The following LAMC2 variants were observed in gnomAD, a reference collection of about 807,000 sequenced individuals.
The protein encoded by LAMC2 is laminin subunit gamma-2.
LAMC2 carries 97 observed loss-of-function variants against 140.2 expected under a neutral mutation model. That is an observed-to-expected ratio of 0.69 (90% CI 0.59 to 0.82). The LOEUF (loss-of-function observed/expected upper bound fraction) is 0.82. Among genes scored for constraint, LAMC2 ranks in the 40% least tolerant of loss-of-function variants. LAMC2 has a pLI of 0.00. For synonymous variants in LAMC2, 513 were observed against 540.2 expected, an observed-to-expected ratio of 0.95 and a Z score of 0.70; for missense variants, 1,402 against 1,476.1, an observed-to-expected ratio of 0.95 and a Z score of 0.82.
chr1:183,226,631 G>C, intron 8 of LAMC2, 67 bp from the exon 9 acceptor site: 1 of 1,340,800 alleles, frequency 7.5e-7, no homozygotes, highest in South Asian at 1.2e-5. Context: ...AAAATCCCAA[G>C]AGAGATCTGA....
intron 11 of LAMC2, among the ~76,000 whole-genome samples, chr1:183,230,679 C>G (rs1659770655): frequency 6.6e-6 from 1 of 152,188 alleles, no homozygotes; most frequent in African/African-American, 2.4e-5. Context: ...TGTTATTCAC[C>G]TTGAAAGCAA....
At chr1:183,193,131 A>C (rs1047715057) in intron 1 of LAMC2, among the ~76,000 whole-genome samples, 1 of 152,192 alleles carries the variant, frequency 6.6e-6, no homozygotes, top group African/African-American at 2.4e-5. Context: ...TATATGATTC[A>C]ATATATTGGC....
chr1:183,189,185 G>A (rs1658246882), intron 1 of LAMC2, among the ~76,000 whole-genome samples: 1 of 152,194 alleles, frequency 6.6e-6, no homozygotes, highest in Non-Finnish European at 1.5e-5. Flanking sequence ...CTGTGTGTTA[G>A]GGATATGAGT....
chr1:183,239,906 A>T, intron 20 of LAMC2, 134 bp from the exon 21 acceptor site: 2,530 of 792,578 alleles, frequency 3.2e-3, no homozygotes, highest in Non-Finnish European at 5.1e-3. Flanking sequence ...CCTAAGTCTG[A>T]TTCTCTCATT....
At position 183,235,693 on chromosome 1, in the gene LAMC2, A is replaced by G. The variant is rs141427751; in HGVS notation, c.2419A>G (p.Ser807Gly). The G allele has an allele frequency of 3.8e-5, 62 of 1,614,126 alleles. No homozygotes were observed. Among genetic ancestry groups the G allele is most frequent in the Non-Finnish European group, 4.8e-5 (57 of 1,180,046 alleles). ...LHEGVGSGSG[S>G]PDGAVVQGLV... is the part of the protein sequence containing the mutation. ...TGAAGGAGTCGGAAGCGGAAGCGGT[A>G]GCCCGGACGGTGCTGTGGTGCAAGG... The change falls in exon 16 of 23, where the codon AGC becomes GGC. Residue 807 changes from serine to glycine, a missense_variant. Ser to Gly is a moderately conservative substitution (Grantham distance 56). This residue lies in a region of LAMC2 where 670 missense variants were observed against 667.2 expected (regional missense o/e 1.00). Coordinates refer to ENST00000264144, the MANE Select transcript of LAMC2 (RefSeq NM_005562.3).
At chr1:183,193,712 A>G (rs1169542709) in intron 1 of LAMC2, among the ~76,000 whole-genome samples, 1 of 152,154 alleles carries the variant, frequency 6.6e-6, no homozygotes. Flanking sequence ...GGGGATCTTC[A>G]CATTCTGAGA....
Position 183,239,997 on chromosome 1 carries a change from C to T in LAMC2, c.3070-43C>T, listed in dbSNP as rs189967222. 38 of 1,611,378 alleles carry T rather than the reference C, an allele frequency of 2.4e-5. No individual in the cohort carries two copies. In the East Asian group the frequency reaches 8.2e-4, roughly 35 times the overall value. On this transcript the variant is annotated intron_variant, in intron 20 of 22. Transcript: ENST00000264144. ...GTCTTTGGGATGTTTTTGTGCCTCA[C>T]CCCTATCTCTCCTTCCGTCCCTGGC... is the stretch of plus-strand genomic sequence containing the variant.
Position 183,192,952 on chromosome 1 carries a change from G to A in LAMC2, c.79+6521G>A, listed in dbSNP as rs182979938. 1.0e-3 allele frequency among the ~76,000 whole-genome samples: 158 copies of A among 152,270 alleles called. 1 individual carries two copies. Among genetic ancestry groups the A allele is most frequent in the African/African-American group, 3.6e-3 (150 of 41,542 alleles). ...GGTCTCCTGACCTCGTGATCTGCCC[G>A]CCTCGGCCTCCCAAAGTGCTGGGAT... On this transcript the variant is annotated intron_variant, in intron 1 of 22. Transcript: ENST00000264144.
intron 7 of LAMC2, among the ~76,000 whole-genome samples, chr1:183,223,928 G>A (rs1033270617): frequency 1.3e-5 from 2 of 152,194 alleles, no homozygotes; most frequent in African/African-American, 4.8e-5. Context: ...AGAGGTTGGG[G>A]AAGGGAGCTG....
chr1:183,187,724 A>T (rs641057), intron 1 of LAMC2, among the ~76,000 whole-genome samples: 1 of 151,982 alleles, frequency 6.6e-6, no homozygotes, highest in Admixed American at 6.5e-5. Flanking sequence ...ACATCCCCAA[A>T]GTAAAAATAG....
At chr1:183,207,460 C>G (rs1658923386) in intron 1 of LAMC2, among the ~76,000 whole-genome samples, 1 of 152,224 alleles carries the variant, frequency 6.6e-6, no homozygotes, top group African/African-American at 2.4e-5. Context: ...AATAGCTGTG[C>G]TGAGTCCGCA....
chr1:183,239,171 T>C (rs1290249896), intron 19 of LAMC2, among the ~76,000 whole-genome samples, 193 bp from the exon 20 acceptor site: 1 of 152,188 alleles, frequency 6.6e-6, no homozygotes, highest in Non-Finnish European at 1.5e-5. Context: ...TCGGTTTCTC[T>C]AAGCAACGGA....
intron 7 of LAMC2, among the ~76,000 whole-genome samples, chr1:183,223,734 A>C (rs1438470443): frequency 6.6e-6 from 1 of 152,204 alleles, no homozygotes; most frequent in Non-Finnish European, 1.5e-5. Flanking sequence ...ATGCTTGAAG[A>C]AGGTTTGTGC....
In LAMC2 at chr1:183,191,858, C is replaced by CAA. The variant is rs5779158; in HGVS notation, c.79+5436_79+5437dup. On this transcript the variant is annotated intron_variant, in intron 1 of 22. Coordinates refer to ENST00000264144, the MANE Select transcript of LAMC2 (RefSeq NM_005562.3). ...TGGGCAACAGAATGAGATTCCATAT[C>CAA]AAAAAAAAAAGAGAGATCAATGTAG... 5.5e-4 allele frequency among the ~76,000 whole-genome samples: 82 copies of CAA among 148,376 alleles called. 1 individual carries two copies. The highest frequency in any genetic ancestry group is 4.6e-3 in the East Asian group (23 of 5,030).
chr1:183,193,705 G>A (rs1571499270), intron 1 of LAMC2, among the ~76,000 whole-genome samples: 1 of 152,302 alleles, frequency 6.6e-6, no homozygotes, highest in East Asian at 1.9e-4. Context: ...GGTAGGAGGG[G>A]ATCTTCACAT....
At chr1:183,226,422 A>G (rs1659628000) in intron 8 of LAMC2, among the ~76,000 whole-genome samples, 1 of 152,168 alleles carries the variant, frequency 6.6e-6, no homozygotes. Flanking sequence ...CTTCTTGTCT[A>G]TAGTTGATGA....
At chr1:183,201,783 A>G (rs1486859705) in intron 1 of LAMC2, among the ~76,000 whole-genome samples, 2 of 152,186 alleles carry the variant, frequency 1.3e-5, no homozygotes. Context: ...AGAAGATTAT[A>G]AAAGCTCTAA....
At chr1:183,256,303 G>C in the LAMC2 span, among the ~76,000 whole-genome samples, 1 of 152,052 alleles carries the variant, frequency 6.6e-6, no homozygotes, top group Non-Finnish European at 1.5e-5. Context: ...CAGCTACTTA[G>C]GAGGCTGAGG....
At chr1:183,216,832 G>A (rs955764323) in intron 3 of LAMC2, among the ~76,000 whole-genome samples, 6 of 152,162 alleles carry the variant, frequency 3.9e-5, no homozygotes, top group Middle Eastern at 3.2e-3. Flanking sequence ...GCACCTTGAG[G>A]ATGTCCAGTG....
Sources: gnomAD v4.1 joint callset for allele counts (sites outside exome capture counted in the v4.1 genomes callset) on GRCh38, gnomAD v4.1.1 for gene constraint, gnomAD v4.1.1 regional missense constraint, MANE v1.5 for transcripts, NCBI Gene and HGNC (gene_info 2026-07-23, HGNC 2026-07-21) for gene names.